The following PDE8A variants were observed in gnomAD, a reference collection of about 807,000 sequenced individuals.
PDE8A encodes the protein high affinity cAMP-specific and IBMX-insensitive 3',5'-cyclic phosphodiesterase 8A.
In PDE8A, 59 loss-of-function variants were observed where a neutral mutation model predicts 105.0. The ratio of observed to expected loss-of-function variants is 0.56; its 90% CI spans 0.46 to 0.70. The LOEUF (loss-of-function observed/expected upper bound fraction) is 0.70, where lower values mean the gene tolerates loss of function less well. Ranked by LOEUF, PDE8A falls within the 30% of genes least tolerant of loss-of-function variation. The probability of loss-of-function intolerance (pLI) is 0.00; values close to 1 mark genes in which losing one functional copy is unlikely to be tolerated. For synonymous variants in PDE8A, 355 were observed against 371.9 expected (o/e 0.95, Z 0.52); for missense variants, 1,014 against 1,045.9 (o/e 0.97, Z 0.42).
chr15:85,054,733 C>T lies in PDE8A; in HGVS notation c.187-9637C>T, dbSNP rs370648937. On this transcript the variant is annotated intron_variant, in intron 1 of 21. Coordinates refer to ENST00000394553, the MANE Select transcript of PDE8A (RefSeq NM_002605.3). ...TTTGTTAGTCTTGCTAGCGGTCTGTCGATTTTGTTGATCTTTTCAAACAAC... is the reference window on the plus strand; with the variant it reads ...TTTGTTAGTCTTGCTAGCGGTCTGTTGATTTTGTTGATCTTTTCAAACAAC... Among the ~76,000 whole-genome samples the T allele has an allele frequency of 1.4e-4, 22 of 152,172 alleles. No homozygotes were observed. In the East Asian group the frequency reaches 3.1e-3, roughly 21 times the overall value.
At chr15:85,082,657 T>C (rs1376338602) in intron 5 of PDE8A, among the ~76,000 whole-genome samples, 2 of 152,308 alleles carry the variant, frequency 1.3e-5, no homozygotes, top group East Asian at 3.9e-4. Flanking sequence ...TTATAGATAG[T>C]GATATGCAGA....
chr15:85,111,547 CA>C (rs1270121098), intron 12 of PDE8A, among the ~76,000 whole-genome samples: 1 of 152,138 alleles, frequency 6.6e-6, no homozygotes, highest in Non-Finnish European at 1.5e-5. Flanking sequence ...TATTCTGTTC[CA>C]CTGTTCTGTT....
At chr15:85,005,759 C>G (rs775879008) in intron 1 of PDE8A, among the ~76,000 whole-genome samples, 9 of 152,078 alleles carry the variant, frequency 5.9e-5, no homozygotes, top group Non-Finnish European at 1.2e-4. Context: ...GGGACAACCT[C>G]AGCATTAGGA....
At chr15:85,086,586 C>T (rs1464137464) in intron 6 of PDE8A, among the ~76,000 whole-genome samples, 1 of 152,082 alleles carries the variant, frequency 6.6e-6, no homozygotes, top group African/African-American at 2.4e-5. Flanking sequence ...TGTTCAACCT[C>T]ACTAATAAAG....
intron 1 of PDE8A, among the ~76,000 whole-genome samples, chr15:85,015,946 G>A (rs1352187387): frequency 2.0e-5 from 3 of 152,136 alleles, no homozygotes; most frequent in African/African-American, 7.2e-5. Flanking sequence ...GACCAGCCTG[G>A]CCAACATGGC....
At chr15:85,059,456 G>C (rs56080398) in intron 1 of PDE8A, among the ~76,000 whole-genome samples, 1 of 152,054 alleles carries the variant, frequency 6.6e-6, no homozygotes, top group Non-Finnish European at 1.5e-5. Flanking sequence ...TTTTAGAACT[G>C]TCTCTTCCTT....
intron 1 of PDE8A, among the ~76,000 whole-genome samples, chr15:85,016,705 T>G (rs1161454701): frequency 6.6e-6 from 1 of 152,194 alleles, no homozygotes; most frequent in Non-Finnish European, 1.5e-5. Context: ...AGGTTTTTTC[T>G]TTTTATTGAG....
At chr15:85,051,296 C>T (rs1370438154) in intron 1 of PDE8A, among the ~76,000 whole-genome samples, 1 of 152,074 alleles carries the variant, frequency 6.6e-6, no homozygotes, top group African/African-American at 2.4e-5. Context: ...TTTCGACTGT[C>T]TTTTCTTTTT....
intron 21 of PDE8A, among the ~76,000 whole-genome samples, chr15:85,137,444 C>T (rs1417870815): frequency 2.0e-5 from 3 of 151,580 alleles, no homozygotes; most frequent in African/African-American, 7.3e-5. Context: ...CACACAAGGG[C>T]CAGGCCATCG....
At chr15:85,112,272 A>T (rs1359051143) in intron 12 of PDE8A, among the ~76,000 whole-genome samples, 1 of 152,174 alleles carries the variant, frequency 6.6e-6, no homozygotes, top group African/African-American at 2.4e-5. Context: ...ATTAACGTGT[A>T]TTACCTCATA....
chr15:84,982,969 AT>A (rs1334444472), intron 1 of PDE8A, among the ~76,000 whole-genome samples: 1 of 152,230 alleles, frequency 6.6e-6, no homozygotes, highest in Non-Finnish European at 1.5e-5. Flanking sequence ...GTGAAACGCG[AT>A]TTTTGAAGCA....
intron 1 of PDE8A, among the ~76,000 whole-genome samples, chr15:85,039,897 A>G (rs1480375165): frequency 6.6e-6 from 1 of 152,162 alleles, no homozygotes; most frequent in Non-Finnish European, 1.5e-5. Flanking sequence ...TTGAACTTAG[A>G]AGTAAAGAGT....
chr15:85,103,644 A>G (rs1205818180), intron 11 of PDE8A, among the ~76,000 whole-genome samples: 1 of 152,210 alleles, frequency 6.6e-6, no homozygotes, highest in African/African-American at 2.4e-5. Flanking sequence ...AAGCTCTAGA[A>G]CTAGTTTTGG....
At chr15:85,024,474 C>T (rs1015996405) in intron 1 of PDE8A, among the ~76,000 whole-genome samples, 1 of 151,920 alleles carries the variant, frequency 6.6e-6, no homozygotes, top group African/African-American at 2.4e-5. Flanking sequence ...TAGCCAAGTT[C>T]CATGCAGGTT....
chr15:85,114,423 G>A (rs1466688690), intron 14 of PDE8A, among the ~76,000 whole-genome samples: 1 of 152,190 alleles, frequency 6.6e-6, no homozygotes, highest in African/African-American at 2.4e-5. Context: ...TATTTAAAAT[G>A]GTGCCGGGGG....
chr15:85,015,761 G>A (rs551258270), intron 1 of PDE8A, among the ~76,000 whole-genome samples: 5 of 152,202 alleles, frequency 3.3e-5, no homozygotes, highest in Admixed American at 6.5e-5. Flanking sequence ...CCAAAGGGTC[G>A]TTTGTATTTT....
intron 1 of PDE8A, among the ~76,000 whole-genome samples, chr15:84,989,302 C>A (rs1390238900): frequency 6.6e-6 from 1 of 152,236 alleles, no homozygotes; most frequent in East Asian, 1.9e-4. Context: ...GGATGGGGGG[C>A]TTTGCCAGTG....
intron 12 of PDE8A, among the ~76,000 whole-genome samples, chr15:85,110,828 T>C (rs2082010936): frequency 6.6e-6 from 1 of 152,222 alleles, no homozygotes; most frequent in African/African-American, 2.4e-5. Context: ...AATGGTGCTC[T>C]CCAGTTTTAT....
intron 1 of PDE8A, among the ~76,000 whole-genome samples, chr15:85,029,646 C>T (rs116551565): frequency 0.013 from 2,010 of 152,232 alleles, 49 homozygotes; most frequent in African/African-American, 0.046. Flanking sequence ...AATGGTAACA[C>T]ACAGTTTATA....
Sources: allele counts gnomAD v4.1 joint callset (sites outside exome capture counted in the v4.1 genomes callset), GRCh38; gene constraint gnomAD v4.1.1; transcripts MANE v1.5; gene names NCBI Gene and HGNC (gene_info 2026-07-23, HGNC 2026-07-21).